The following ANXA11 variants were observed in gnomAD, a reference collection of about 807,000 sequenced individuals.
ANXA11 encodes the protein annexin A11.
ANXA11 carries 57 observed loss-of-function variants against 64.7 expected under a neutral mutation model. That is an observed-to-expected ratio of 0.88 (90% CI 0.71 to 1.10). ANXA11 has a LOEUF of 1.10. Among genes scored for constraint, ANXA11 ranks in the 50% least tolerant of loss-of-function variants. The pLI is 0.00. For synonymous variants in ANXA11, 260 were observed against 265.2 expected (o/e 0.98, Z 0.19); for missense variants, 675 against 670.7 (o/e 1.01, Z -0.07).
chr10:80,205,466 G>A lies in ANXA11; in HGVS notation c.-181C>T, dbSNP rs1218216859. On this transcript the variant is annotated 5_prime_UTR_variant, in exon 1 of 16. Transcript: ENST00000422982. The stretch of plus-strand genomic sequence containing the variant: ...GGGGCTGGGTCCCACTCCCGCTCGC[G>A]GGGCCCGCGGGGCACTCGGGGCACT... The A allele has an allele frequency of 1.3e-5, 2 of 151,882 alleles. No homozygotes were observed. The highest frequency in any genetic ancestry group is 2.9e-5 in the Non-Finnish European group (2 of 67,940). The allele number at this position is 151,882 out of a possible 1,614,324, so 9.4% of individuals were successfully genotyped here. A position where few individuals can be genotyped will look rare whatever the true frequency, so the allele number is the denominator to read the frequency against.
intron 1 of ANXA11, among the ~76,000 whole-genome samples, chr10:80,180,269 T>C (rs376307660): frequency 1.2e-4 from 19 of 152,062 alleles, no homozygotes; most frequent in African/African-American, 2.9e-4. Flanking sequence ...TACCCAACAA[T>C]TGGAGGTGGA....
chr10:80,166,237 A>AG, intron 7 of ANXA11, 40 bp from the exon 8 acceptor site: 1 of 1,207,266 alleles, frequency 8.3e-7, no homozygotes, highest in Non-Finnish European at 1.2e-6. Context: ...AAAAAAAAAA[A>AG]CAAGTCTATT....
chr10:80,158,674 G>C (rs1845377612), intron 13 of ANXA11, among the ~76,000 whole-genome samples: 1 of 152,192 alleles, frequency 6.6e-6, no homozygotes, highest in Admixed American at 6.5e-5. Context: ...CTGGAGCCAA[G>C]CCAGCTTTCC....
At chr10:80,188,511 A>ATATATATG (rs1554834982) in intron 1 of ANXA11, among the ~76,000 whole-genome samples, 4,870 of 126,192 alleles carry the variant, frequency 0.039, 296 homozygotes, top group African/African-American at 0.05. Context: ...ATATATATAT[A>ATATATATG]GCACTACAAC....
intron 1 of ANXA11, chr10:80,195,744 T>C (rs988652446): frequency 1.2e-5 from 2 of 162,858 alleles, no homozygotes; most frequent in East Asian, 3.6e-4. Context: ...TCCACGTGGC[T>C]GGGGAGGCCT....
intron 7 of ANXA11, 84 bp downstream of exon 7, chr10:80,166,806 C>T: frequency 9.3e-7 from 1 of 1,075,082 alleles, no homozygotes. Context: ...GATCCGGGCC[C>T]ACCCAAGGAA....
chr10:80,171,790 C>A (rs1845987216), intron 3 of ANXA11: 1 of 985,458 alleles, frequency 1.0e-6, no homozygotes, highest in East Asian at 1.1e-4. Context: ...TGCTCAGAGG[C>A]TGCTCAGCTG....
chr10:80,168,151 C>A (rs925721243), intron 5 of ANXA11, among the ~76,000 whole-genome samples: 5 of 134,066 alleles, frequency 3.7e-5, no homozygotes, highest in African/African-American at 1.3e-4. Flanking sequence ...TCTGCAAACA[C>A]GAACTGTTCT....
At chr10:80,172,581 T>C (rs562152969) in intron 3 of ANXA11, among the ~76,000 whole-genome samples, 26 of 152,210 alleles carry the variant, frequency 1.7e-4, no homozygotes, top group African/African-American at 6.0e-4. Context: ...GTCCAGGGCT[T>C]TCTGGAGGCA....
chr10:80,186,686 G>A (rs1329785657), intron 1 of ANXA11, among the ~76,000 whole-genome samples: 1 of 151,780 alleles, frequency 6.6e-6, no homozygotes, highest in African/African-American at 2.4e-5. Flanking sequence ...GGTGTGGCAT[G>A]GATGGGGCCA....
chr10:80,188,484 T>TAC (rs1846633656), intron 1 of ANXA11, among the ~76,000 whole-genome samples: 1 of 71,432 alleles, frequency 1.4e-5, no homozygotes, highest in Non-Finnish European at 2.8e-5. Context: ...TTCTCACATA[T>TAC]ATATATATAT....
intron 10 of ANXA11, 40 bp downstream of exon 10, chr10:80,163,494 C>T: frequency 6.2e-7 from 1 of 1,603,512 alleles, no homozygotes; most frequent in Non-Finnish European, 8.5e-7. Context: ...CTTTGACTTC[C>T]ATGGCTTGGG....
At chr10:80,194,437 T>C (rs994003262) in intron 1 of ANXA11, among the ~76,000 whole-genome samples, 3 of 152,136 alleles carry the variant, frequency 2.0e-5, no homozygotes, top group Admixed American at 6.5e-5. Flanking sequence ...TGCATCATGC[T>C]TTCCCTCTAG....
chr10:80,190,591 T>C (rs1245819312), intron 1 of ANXA11, among the ~76,000 whole-genome samples: 1 of 150,086 alleles, frequency 6.7e-6, no homozygotes, highest in Non-Finnish European at 1.5e-5. Context: ...GTTCATGCCG[T>C]TCTCCCGCCT....
At chr10:80,163,915 G>A in intron 9 of ANXA11, 138 bp downstream of exon 9, 3 of 724,504 alleles carry the variant, frequency 4.1e-6, no homozygotes, top group Non-Finnish European at 6.8e-6. Context: ...AAAGCCCAAA[G>A]TATTGGGGGT....
In ANXA11 at chr10:80,151,057, TTAGAAGCTCTCCTC is replaced by T. The variant is rs1320258205; in HGVS notation, c.*4782_*4795del. The T allele has an allele frequency of 2.6e-5, 4 of 152,200 alleles. No homozygotes were observed. Among genetic ancestry groups the T allele is most frequent in the Non-Finnish European group, 5.9e-5 (4 of 68,038 alleles). 9.4% of individuals were successfully genotyped at this position (152,200 alleles called of 1,614,324 possible). A position where few individuals can be genotyped will look rare whatever the true frequency, so the allele number is the denominator to read the frequency against. ...CCATTTCGTTGACCACATTAAAGTT[TTAGAAGCTCTCCTC>T]TAGTCTACCCTTCATTTTAAAAAGT... On this transcript the variant is annotated 3_prime_UTR_variant, in exon 16 of 16. Transcript: ENST00000422982.
intron 1 of ANXA11, among the ~76,000 whole-genome samples, chr10:80,185,052 A>G (rs1846490505): frequency 6.6e-6 from 1 of 152,234 alleles, no homozygotes; most frequent in Non-Finnish European, 1.5e-5. Context: ...AGGGCAAGGA[A>G]CAGCATAATA....
At chr10:80,201,056 C>T (rs1039627929) in intron 1 of ANXA11, among the ~76,000 whole-genome samples, 4 of 152,148 alleles carry the variant, frequency 2.6e-5, no homozygotes, top group African/African-American at 7.2e-5. Flanking sequence ...CCCTCAACGA[C>T]GTCCTCTTCG....
intron 1 of ANXA11, among the ~76,000 whole-genome samples, chr10:80,178,743 C>T (rs757370713): frequency 4.1e-4 from 63 of 152,356 alleles, no homozygotes; most frequent in Non-Finnish European, 6.8e-4. Context: ...CCAGGTGATG[C>T]TGATGCTGCC....
Sources: allele counts gnomAD v4.1 joint callset (sites outside exome capture counted in the v4.1 genomes callset), GRCh38; gene constraint gnomAD v4.1.1; transcripts MANE v1.5; gene names NCBI Gene and HGNC (gene_info 2026-07-23, HGNC 2026-07-21).